SOX30: variants seen among roughly 807,000 people sequenced by gnomAD.
SOX30 encodes SRY-box transcription factor 30.
In SOX30, 17 loss-of-function variants were observed where a neutral mutation model predicts 58.6. The ratio of observed to expected loss-of-function variants is 0.29; its 90% confidence interval spans 0.20 to 0.44. SOX30 has a LOEUF of 0.44. Among genes scored for constraint, SOX30 ranks in the 20% least tolerant of loss-of-function variants. The probability of loss-of-function intolerance (pLI) is 1.00; values close to 1 mark genes in which losing one functional copy is unlikely to be tolerated. For missense variants in SOX30, 951 were observed against 965.8 expected (o/e 0.98, Z 0.20); for synonymous variants, 421 against 400.2 (o/e 1.05, Z -0.62).
chr5:157,638,500 G>C lies in SOX30; in HGVS notation c.1610C>G (p.Pro537Arg). The change falls in exon 4 of 5, where the codon CCT becomes CGT. Residue 537 changes from proline to arginine, a missense_variant. Transcript: ENST00000265007. ...CCTGTTGGCGCTCTCTAGAGAGACAGGAGTGGGTTGCTTCACAGTGTGAGT... is the reference window on the plus strand; with the variant it reads ...CCTGTTGGCGCTCTCTAGAGAGACACGAGTGGGTTGCTTCACAGTGTGAGT... Reference protein sequence around the residue: ...EATHTVKQPTPVSLESANRIS... With the variant: ...EATHTVKQPTRVSLESANRIS... 1 of 1,614,222 alleles carries C rather than the reference G, an allele frequency of 6.2e-7. No individual in the cohort carries two copies. Among genetic ancestry groups the C allele is most frequent in the South Asian group, 1.1e-5 (1 of 91,086 alleles).
chr5:157,649,982 A>G (rs571824234), intron 1 of SOX30, among the ~76,000 whole-genome samples: 3 of 152,316 alleles, frequency 2.0e-5, no homozygotes, highest in African/African-American at 7.2e-5. Context: ...TTGGGAGGCC[A>G]AGGCGGAGGA....
intron 1 of SOX30, among the ~76,000 whole-genome samples, chr5:157,669,046 G>T (rs1185123947): frequency 6.6e-6 from 1 of 152,186 alleles, no homozygotes; most frequent in African/African-American, 2.4e-5. Flanking sequence ...AGGCCAAAAG[G>T]TGCCAAATGT....
rs1581399950 is a variant in SOX30, at chr5:157,649,002, G to C, written c.968-106C>G. On this transcript the variant is annotated intron_variant, in intron 1 of 4. Transcript: ENST00000265007. ...TCTATACTTATTTTTGAAATATCTG[G>C]AGGAAATATACACTTCAATATAACC... is the stretch of plus-strand genomic sequence containing the variant. 2.1e-6 allele frequency: 3 copies of C among 1,415,790 alleles called. No homozygotes were observed. The East Asian group carries it at 7.0e-5, about 33-fold the overall frequency. The allele number at this position is 1,415,790 out of a possible 1,614,324, so 87.7% of individuals were successfully genotyped here.
intron 4 of SOX30, among the ~76,000 whole-genome samples, chr5:157,633,870 A>AT (rs1758866588): frequency 6.6e-6 from 1 of 152,180 alleles, no homozygotes; most frequent in African/African-American, 2.4e-5. Context: ...ACTTACATAG[A>AT]TTTTAAACAC....
At chr5:157,633,783 C>A (rs1159520488) in intron 4 of SOX30, among the ~76,000 whole-genome samples, 2 of 152,220 alleles carry the variant, frequency 1.3e-5, no homozygotes, top group Non-Finnish European at 2.9e-5. Context: ...ACTTTCCCTA[C>A]AATATATCTG....
At chr5:157,648,543 T>C (rs748623541) in intron 2 of SOX30, 114 bp downstream of exon 2, 1 of 923,424 alleles carries the variant, frequency 1.1e-6, no homozygotes. Flanking sequence ...ATTCTCTTTA[T>C]TGTACATATC....
intron 3 of SOX30, among the ~76,000 whole-genome samples, chr5:157,645,323 G>A (rs1759162408): frequency 6.6e-6 from 1 of 152,106 alleles, no homozygotes; most frequent in South Asian, 2.1e-4. Context: ...AGGATTTAAA[G>A]AGGTTAAAAA....
intron 1 of SOX30, among the ~76,000 whole-genome samples, chr5:157,649,525 C>G (rs577115374): frequency 6.6e-6 from 1 of 152,190 alleles, no homozygotes; most frequent in Admixed American, 6.5e-5. Context: ...TACGGTGGCT[C>G]ACGCCTGTAA....
At position 157,651,611 on chromosome 5, in the gene SOX30, G is replaced by A; in HGVS notation, c.468C>T (p.Val156=). 2 of 1,612,894 alleles carry A rather than the reference G, an allele frequency of 1.2e-6. No individual in the cohort carries two copies. Among genetic ancestry groups the A allele is most frequent in the Non-Finnish European group, 1.7e-6 (2 of 1,179,882 alleles). Reference sequence around the variant, plus strand: ...CCCTGGAGGCTCTAGGACCGGTTTCGACGGCCCCTCGAGGCCCCACTGACT... The same window carrying A: ...CCCTGGAGGCTCTAGGACCGGTTTCAACGGCCCCTCGAGGCCCCACTGACT... The part of the protein sequence containing the change: ...LDQSVGPRGA[V]ETGPRASRVV... The change falls in exon 1 of 5, where the codon GTC becomes GTT. Residue 156 remains valine, a synonymous_variant. Transcript: ENST00000265007.
intron 2 of SOX30, among the ~76,000 whole-genome samples, chr5:157,666,689 C>T (rs904331547): frequency 6.6e-6 from 1 of 152,046 alleles, no homozygotes; most frequent in African/African-American, 2.4e-5. Context: ...ATTTTATTAG[C>T]CCCATTTTAT....
At chr5:157,665,418 A>T (rs1176462542) in intron 2 of SOX30, among the ~76,000 whole-genome samples, 1 of 152,028 alleles carries the variant, frequency 6.6e-6, no homozygotes, top group Non-Finnish European at 1.5e-5. Context: ...TGGACACAGG[A>T]AGGGGAACAT....
At position 157,651,544 on chromosome 5, in the gene SOX30, G is replaced by C. The variant is rs1359494452; in HGVS notation, c.535C>G (p.Arg179Gly). The C allele has an allele frequency of 6.2e-7, 1 of 1,613,256 alleles. No homozygotes were observed. ...TCCAGCTTGCCCTTCTCGTCCCCTC[G>C]GAAGTAGCCGAGGGCCGGCCCGGGG... ...EGPGPALGYFRGDEKGKLEAE... is the reference protein window; with the variant it reads ...EGPGPALGYFGGDEKGKLEAE... Residue 179 changes from arginine (R) to glycine (G), a missense_variant, in exon 1 of 5, where the codon CGA becomes GGA. Physicochemically the swap from Arg to Gly is moderately radical, Grantham distance 125. Transcript: ENST00000265007.
At position 157,651,554 on chromosome 5, in the gene SOX30, G is replaced by A; in HGVS notation, c.525C>T (p.Leu175=). 1 of 1,613,066 alleles carries A rather than the reference G, an allele frequency of 6.2e-7. No individual in the cohort carries two copies. Among genetic ancestry groups the A allele is most frequent in the South Asian group, 1.1e-5 (1 of 91,078 alleles). ...VVKLEGPGPA[L]GYFRGDEKGK... is the part of the protein sequence containing the mutation. ...CCTTCTCGTCCCCTCGGAAGTAGCC[G>A]AGGGCCGGCCCGGGGCCTTCCAACT... The change falls in exon 1 of 5, where the codon CTC becomes CTT. Residue 175 remains leucine (L), a synonymous_variant. Coordinates refer to ENST00000265007, the MANE Select transcript of SOX30 (RefSeq NM_178424.2).
At position 157,631,168 on chromosome 5, in the gene SOX30, C is replaced by CA. The variant is rs1342177859; in HGVS notation, c.1881-4448dup. Among the ~76,000 whole-genome samples, 3 of 149,814 alleles carry CA rather than the reference C, an allele frequency of 2.0e-5. No individual in the cohort carries two copies. In the East Asian group the frequency reaches 5.8e-4, roughly 29 times the overall value. On this transcript the variant is annotated intron_variant, in intron 4 of 4. Coordinates refer to ENST00000265007, the MANE Select transcript of SOX30 (RefSeq NM_178424.2). ...GTATGATCATAGCTCACTACAGTCTCAAATTCCTGGGCTCAAGCAATCTTC... is the reference window on the plus strand; with the variant it reads ...GTATGATCATAGCTCACTACAGTCTCAAAATTCCTGGGCTCAAGCAATCTTC...
chr5:157,641,770 C>A (rs1222024493), intron 3 of SOX30, among the ~76,000 whole-genome samples: 3 of 152,098 alleles, frequency 2.0e-5, no homozygotes, highest in African/African-American at 7.2e-5. Context: ...AGAGTTTGCC[C>A]CATAATAGGA....
intron 4 of SOX30, among the ~76,000 whole-genome samples, chr5:157,632,047 T>TAAAAAAAAAACAAAAAAAAAAAAAA (rs1758824739): frequency 1.8e-5 from 1 of 56,394 alleles, no homozygotes; most frequent in Non-Finnish European, 3.1e-5. Context: ...ACCCCGTAAC[T>TAAAAAAAAAACAAAAAAAAAAAAAA]AAAAAAAAAA....
Position 157,651,863 on chromosome 5 carries a change from C to A in SOX30, c.216G>T (p.Gln72His), listed in dbSNP as rs549965786. ...GLQPAVRRLL[Q>H]VKPEQVLLLP... ...GCAGCAACACCTGCTCTGGCTTCAC[C>A]TGCAGCAGCCGCCGCACCGCGGGCT... is the stretch of plus-strand genomic sequence containing the variant. Residue 72 changes from glutamine to histidine, a missense_variant, in exon 1 of 5, where the codon CAG becomes CAT. Gln to His is a conservative substitution (Grantham distance 24). Coordinates refer to ENST00000265007, the MANE Select transcript of SOX30 (RefSeq NM_178424.2). The A allele has an allele frequency of 2.2e-5, 34 of 1,565,224 alleles. No individual in the cohort carries two copies. The East Asian group carries it at 7.2e-4, about 33-fold the overall frequency.
At chr5:157,663,273 C>T (rs867822856) in intron 2 of SOX30, among the ~76,000 whole-genome samples, 17 of 152,316 alleles carry the variant, frequency 1.1e-4, no homozygotes, top group Admixed American at 3.9e-4. Flanking sequence ...TGGGCTTCAT[C>T]CCTGCGATGC....
At chr5:157,630,881 T>C (rs1412638497) in intron 4 of SOX30, among the ~76,000 whole-genome samples, 1 of 138,480 alleles carries the variant, frequency 7.2e-6, no homozygotes, top group Non-Finnish European at 1.5e-5. Flanking sequence ...ATATATACAA[T>C]ATATATAATT....
Sources: allele counts gnomAD v4.1 joint callset (sites outside exome capture counted in the v4.1 genomes callset), GRCh38; gene constraint gnomAD v4.1.1; transcripts MANE v1.5; gene names NCBI Gene and HGNC (gene_info 2026-07-23, HGNC 2026-07-21).